NFU1: variants seen among roughly 807,000 people sequenced by gnomAD.
NFU1 encodes the protein NFU1 iron-sulfur cluster scaffold.
In NFU1, 30 loss-of-function variants were observed where a neutral mutation model predicts 32.2. The observed-to-expected ratio is 0.93, with a 90% confidence interval of 0.70 to 1.26. NFU1 has a LOEUF of 1.26. Among genes scored for constraint, NFU1 ranks in the 50% most tolerant of loss-of-function variants. The probability of loss-of-function intolerance (pLI) is 0.00; values close to 1 mark genes in which losing one functional copy is unlikely to be tolerated. For synonymous variants in NFU1, 112 were observed against 104.6 expected (o/e 1.07, Z -0.43); for missense variants, 306 against 306.6 (o/e 1.00, Z 0.02).
intron 6 of NFU1, among the ~76,000 whole-genome samples, chr2:69,401,406 G>A (rs1672518978): frequency 6.6e-6 from 1 of 152,128 alleles, no homozygotes; most frequent in Non-Finnish European, 1.5e-5. Flanking sequence ...TATGCTCTTT[G>A]TGAGATTCAC....
chr2:69,410,388 C>CA (rs971470221), intron 5 of NFU1, among the ~76,000 whole-genome samples: 29 of 151,746 alleles, frequency 1.9e-4, no homozygotes, highest in Middle Eastern at 3.4e-3. Flanking sequence ...GACCCTGTCT[C>CA]AAAAAAAACC....
intron 5 of NFU1, among the ~76,000 whole-genome samples, chr2:69,408,385 T>G (rs1357675033): frequency 6.6e-6 from 1 of 152,180 alleles, no homozygotes; most frequent in Non-Finnish European, 1.5e-5. Flanking sequence ...TACAGTTTGC[T>G]GCTATTTCTA....
At chr2:69,423,500 T>A in intron 3 of NFU1, 82 bp downstream of exon 3, 1 of 1,255,724 alleles carries the variant, frequency 8.0e-7, no homozygotes, top group Non-Finnish European at 1.1e-6. Flanking sequence ...AGAAATGCAA[T>A]AGTTAAACAG....
intron 7 of NFU1, among the ~76,000 whole-genome samples, chr2:69,397,618 T>TTAA (rs556775165): frequency 6.6e-6 from 1 of 150,774 alleles, no homozygotes; most frequent in African/African-American, 2.4e-5. Context: ...TTTTTTTTTT[T>TTAA]AAAAAAAATC....
intron 6 of NFU1, among the ~76,000 whole-genome samples, chr2:69,404,089 C>T (rs1363409339): frequency 3.3e-5 from 5 of 151,404 alleles, no homozygotes; most frequent in South Asian, 2.1e-4. Flanking sequence ...CCACCCACCT[C>T]GGCCTCCCAA....
intron 2 of NFU1, chr2:69,429,766 C>T (rs1333735000): frequency 1.3e-5 from 2 of 156,790 alleles, no homozygotes; most frequent in Non-Finnish European, 2.8e-5. Context: ...CGGTGGCTCA[C>T]GCCTATAATC....
At chr2:69,395,983 C>G, downstream of NFU1, 1 of 379,826 alleles carries the variant, frequency 2.6e-6, no homozygotes, top group East Asian at 4.4e-5. Flanking sequence ...ATTTTAAACT[C>G]CTTCACACAT....
chr2:69,422,139 G>C (rs1182861849), intron 3 of NFU1, among the ~76,000 whole-genome samples: 1 of 152,130 alleles, frequency 6.6e-6, no homozygotes, highest in Non-Finnish European at 1.5e-5. Context: ...CAATGATGCA[G>C]CGAGGGTGGT....
chr2:69,402,259 G>T (rs979381181), intron 6 of NFU1, among the ~76,000 whole-genome samples: 1 of 152,054 alleles, frequency 6.6e-6, no homozygotes, highest in Non-Finnish European at 1.5e-5. Flanking sequence ...TTACCAATTT[G>T]TACAAGTTAT....
chr2:69,430,695 T>C (rs1330515712), intron 2 of NFU1, among the ~76,000 whole-genome samples: 2 of 152,162 alleles, frequency 1.3e-5, no homozygotes, highest in East Asian at 3.9e-4. Flanking sequence ...CCAATTAAAG[T>C]GGTTTAATCA....
chr2:69,435,295 G>A (rs755041121), intron 1 of NFU1, among the ~76,000 whole-genome samples: 5 of 152,202 alleles, frequency 3.3e-5, no homozygotes, highest in African/African-American at 7.2e-5. Flanking sequence ...CAGTTAGAAC[G>A]GTCTTTCACT....
At chr2:69,413,906 G>C (rs1220832190) in intron 5 of NFU1, among the ~76,000 whole-genome samples, 1 of 151,944 alleles carries the variant, frequency 6.6e-6, no homozygotes, top group African/African-American at 2.4e-5. Flanking sequence ...AATTACCCAG[G>C]CATGGTGGTG....
chr2:69,437,398 A>C lies in NFU1; in HGVS notation c.25T>G (p.Trp9Gly). The change falls in exon 1 of 8, where the codon TGG becomes GGG. Residue 9 changes from tryptophan (W) to glycine (G), a missense_variant. Coordinates refer to ENST00000410022, the MANE Select transcript of NFU1 (RefSeq NM_001002755.4). ...CCGGCGGCAACAGCCGCAGCTCCCC[A>C]GCCCCGCCTGGCCGTCGCCGCCATC... MAATARRGWGAAAVAAGLR... is the reference protein window; with the variant it reads MAATARRGGGAAAVAAGLR... 1 of 1,610,514 alleles carries C rather than the reference A, an allele frequency of 6.2e-7. No homozygotes were observed. Among genetic ancestry groups the C allele is most frequent in the Non-Finnish European group, 8.5e-7 (1 of 1,179,538 alleles).
At chr2:69,406,147 T>G in intron 5 of NFU1, 65 bp from the exon 6 acceptor site, 4 of 914,834 alleles carry the variant, frequency 4.4e-6, no homozygotes. Flanking sequence ...GTACGAGTAT[T>G]AAAACAGAAT....
At chr2:69,419,214 C>G (rs891212797) in intron 4 of NFU1, among the ~76,000 whole-genome samples, 13 of 146,486 alleles carry the variant, frequency 8.9e-5, no homozygotes, top group Admixed American at 2.1e-4. Context: ...CTCAGGGTGG[C>G]GGGGGGGGGC....
At chr2:69,417,858 A>G (rs75484611) in intron 4 of NFU1, among the ~76,000 whole-genome samples, 3 of 146,294 alleles carry the variant, frequency 2.1e-5, no homozygotes, top group Non-Finnish European at 4.5e-5. Flanking sequence ...AAAAATAGGA[A>G]AAAAAAAAAA....
chr2:69,415,408 C>A, intron 4 of NFU1, 109 bp from the exon 5 acceptor site: 1 of 685,522 alleles, frequency 1.5e-6, no homozygotes. Flanking sequence ...TGGAGTCTCA[C>A]TCTGTTGCCC....
In NFU1 at chr2:69,437,434, G is replaced by C. The variant is rs911886677; in HGVS notation, c.-12C>G. 6.2e-7 allele frequency: 1 copy of C among 1,610,022 alleles called. No individual in the cohort carries two copies. The highest frequency in any genetic ancestry group is 8.5e-7 in the Non-Finnish European group (1 of 1,179,372). ...GCCGTCGCCGCCATCTTAGTCCGGAGTGCCTAAGGGTCTCCCTGACAGAAC... is the reference window on the plus strand; with the variant it reads ...GCCGTCGCCGCCATCTTAGTCCGGACTGCCTAAGGGTCTCCCTGACAGAAC... On this transcript the variant is annotated 5_prime_UTR_variant, in exon 1 of 8. Transcript: ENST00000410022.
In NFU1 at chr2:69,429,392, T is replaced by C. The variant is rs13419245; in HGVS notation, c.166+2510A>G. 8.2e-3 allele frequency among the ~76,000 whole-genome samples: 1,246 copies of C among 151,936 alleles called. 24 individuals are homozygous for C. Among genetic ancestry groups the C allele is most frequent in the African/African-American group, 0.029 (1,183 of 41,444 alleles). Reference sequence around the variant, plus strand: ...CAGCCTGGGCAACAGAGATCCTGTCTCTACAAAAAAATACAAAAATTGGTC... The same window carrying C: ...CAGCCTGGGCAACAGAGATCCTGTCCCTACAAAAAAATACAAAAATTGGTC... On this transcript the variant is annotated intron_variant, in intron 2 of 7. Transcript: ENST00000410022.
Sources: gnomAD v4.1 joint callset for allele counts (sites outside exome capture counted in the v4.1 genomes callset) on GRCh38, gnomAD v4.1.1 for gene constraint, MANE v1.5 for transcripts, NCBI Gene and HGNC (gene_info 2026-07-23, HGNC 2026-07-21) for gene names.